SHF: variants seen among roughly 807,000 people sequenced by gnomAD.
The protein encoded by SHF is Src homology 2 domain containing F, also known as SH2 domain-containing adapter protein F.
Under a neutral mutation model 42.4 loss-of-function variants are expected in SHF, and 30 were observed. The ratio of observed to expected loss-of-function variants is 0.71; its 90% CI spans 0.53 to 0.96. The LOEUF (loss-of-function observed/expected upper bound fraction) is 0.96, where lower values mean the gene tolerates loss of function less well. Among genes scored for constraint, SHF ranks in the 40% least tolerant of loss-of-function variants. SHF has a pLI of 0.00. For missense variants in SHF, 598 were observed against 634.0 expected (o/e 0.94, Z 0.61); for synonymous variants, 264 against 269.9 (o/e 0.98, Z 0.21).
In SHF at chr15:45,194,146, G is replaced by C. The variant is rs1466403836; in HGVS notation, c.303+4626C>G. Among the ~76,000 whole-genome samples the C allele has an allele frequency of 6.1e-5, 9 of 148,628 alleles. No individual in the cohort carries two copies. The South Asian group carries it at 1.5e-3, about 25-fold the overall frequency. ...AAGGTAGGCAGCATTGCCTGACATA[G>C]TTCCCAGCTTGACTGTTCCTAGCTG... is the stretch of plus-strand genomic sequence containing the variant. On this transcript the variant is annotated intron_variant, in intron 2 of 7. Transcript: ENST00000290894.
intron 2 of SHF, among the ~76,000 whole-genome samples, chr15:45,194,251 AT>A (rs1377732299): frequency 1.8e-4 from 27 of 152,060 alleles, no homozygotes; most frequent in African/African-American, 6.0e-4. Context: ...ATTCAACATG[AT>A]ATAATCCATT....
intron 2 of SHF, among the ~76,000 whole-genome samples, chr15:45,197,512 A>G (rs773880517): frequency 2.0e-5 from 3 of 152,234 alleles, no homozygotes; most frequent in Non-Finnish European, 4.4e-5. Context: ...AAGTCCTTCT[A>G]TCTGACTCCA....
chr15:45,187,465 T>G lies in SHF; in HGVS notation c.487A>C (p.Ser163Arg). 1 of 1,232,422 alleles carries G rather than the reference T, an allele frequency of 8.1e-7. No individual in the cohort carries two copies. Among genetic ancestry groups the G allele is most frequent in the Non-Finnish European group, 1.0e-6 (1 of 988,052 alleles). 76.3% of individuals were successfully genotyped at this position (1,232,422 alleles called of 1,614,324 possible). The stretch of plus-strand genomic sequence containing the variant: ...GGCGCGGCACTCACCCTATCGCTGC[T>G]GGCGGGGGGTCCGGAGATCCGCTCA... The part of the protein sequence containing the change: ...ADERISGPPA[S>R]SDRLAILEDY... Residue 163 changes from serine to arginine, a missense_variant, in exon 1 of 7, where the codon AGC (serine) becomes CGC (arginine). Ser to Arg is a moderately radical substitution (Grantham distance 110). Transcript: ENST00000690270.
At chr15:45,196,943 G>A (rs1397758380) in intron 2 of SHF, among the ~76,000 whole-genome samples, 1 of 148,538 alleles carries the variant, frequency 6.7e-6, no homozygotes, top group African/African-American at 2.5e-5. Flanking sequence ...TCCAGGTCAT[G>A]TCCCTATTAA....
chr15:45,175,810 TTTTC>T (rs1897770758), intron 2 of SHF, among the ~76,000 whole-genome samples: 1 of 91,798 alleles, frequency 1.1e-5, no homozygotes, highest in East Asian at 3.1e-4. Context: ...CCTTTTTTCT[TTTTC>T]TTTTCTTTTT....
At chr15:45,170,013 G>A (rs1221226573) in intron 6 of SHF, among the ~76,000 whole-genome samples, 5 of 152,256 alleles carry the variant, frequency 3.3e-5, no homozygotes, top group Non-Finnish European at 5.9e-5. Context: ...AGACAGATGC[G>A]GAGCCAGGTC....
In SHF at chr15:45,172,155, T is replaced by C. The variant is rs151056145; in HGVS notation, c.1152A>G (p.Glu384=). The C allele has an allele frequency of 2.9e-4, 468 of 1,613,750 alleles. No homozygotes were observed. Among genetic ancestry groups the C allele is most frequent in the Non-Finnish European group, 3.8e-4 (452 of 1,179,856 alleles). ...TGGACACAGACACTCACACCTGGTT[T>C]TCCAGAGGCAGTGCTGGATCTGTCC... ...GEWTDPALPL[E]NQVWYHGAIS... is the part of the protein sequence containing the mutation. The change falls in exon 5 of 7, where the codon GAA becomes GAG. Residue 384 remains glutamate, a synonymous_variant. Transcript: ENST00000690270.
In SHF at chr15:45,180,048, G is replaced by A. The variant is rs966278506; in HGVS notation, c.499-1742C>T. ...TCAGCTCCCACCTTGTTCTATTCAT[G>A]CCCTCAGCTCCTTTACAACCTCCTT... is the stretch of plus-strand genomic sequence containing the variant. On this transcript the variant is annotated intron_variant, in intron 1 of 6. Coordinates refer to ENST00000690270, the MANE Select transcript of SHF (RefSeq NM_001394037.1). Among the ~76,000 whole-genome samples, 53 of 152,022 alleles carry A rather than the reference G, an allele frequency of 3.5e-4. 1 individual carries two copies.
chr15:45,179,437 G>A (rs937814879), intron 1 of SHF, among the ~76,000 whole-genome samples: 1 of 151,804 alleles, frequency 6.6e-6, no homozygotes. Context: ...GACAGGAAAG[G>A]CTTCACTTTG....
chr15:45,183,117 TTC>T (rs1363961438), intron 1 of SHF, among the ~76,000 whole-genome samples: 1 of 152,176 alleles, frequency 6.6e-6, no homozygotes, highest in Non-Finnish European at 1.5e-5. Context: ...CTTCCTCTTG[TTC>T]ATTAGCAAAT....
intron 1 of SHF, 89 bp downstream of exon 1, chr15:45,187,365 C>T: frequency 8.4e-7 from 1 of 1,193,352 alleles, no homozygotes; most frequent in Non-Finnish European, 1.0e-6. Context: ...CACCGAGGGG[C>T]CCGGGCCAGG....
Position 45,173,698 on chromosome 15 carries a change from T to C in SHF, c.866A>G (p.Lys289Arg), listed in dbSNP as rs1425227130. The C allele has an allele frequency of 2.6e-6, 4 of 1,551,754 alleles. No homozygotes were observed. Among genetic ancestry groups the C allele is most frequent in the Non-Finnish European group, 3.5e-6 (4 of 1,146,992 alleles). Reference protein sequence around the residue: ...KAFAVDIKVIKDLPWPPPVGQ... With the variant: ...KAFAVDIKVIRDLPWPPPVGQ... ...CACAGGTGGAGGCCAAGGTAGGTCT[T>C]TGATGACCTTAATGTCAACTGGAGC... Residue 289 changes from lysine to arginine, a missense_variant, in exon 4 of 7, where the codon AAA becomes AGA. Physicochemically the swap from Lys to Arg is conservative, Grantham distance 26. Coordinates refer to ENST00000690270, the MANE Select transcript of SHF (RefSeq NM_001394037.1).
At chr15:45,193,513 G>C (rs144373387) in intron 2 of SHF, among the ~76,000 whole-genome samples, 19 of 152,276 alleles carry the variant, frequency 1.2e-4, no homozygotes, top group African/African-American at 4.1e-4. Flanking sequence ...GTCTGGTTTA[G>C]TGAAGCAATA....
chr15:45,178,497 C>G (rs1897948811), intron 1 of SHF, among the ~76,000 whole-genome samples, 191 bp from the exon 2 acceptor site: 1 of 151,210 alleles, frequency 6.6e-6, no homozygotes, highest in African/African-American at 2.4e-5. Flanking sequence ...GGCTCCCCTA[C>G]TAGGCTGCCA....
At chr15:45,199,164 TCC>T in intron 1 of SHF, 2 of 1,369,486 alleles carry the variant, frequency 1.5e-6, no homozygotes, top group Non-Finnish European at 1.9e-6. Context: ...CAAACGCATC[TCC>T]CCATGTTCCC....
upstream of SHF, among the ~76,000 whole-genome samples, chr15:45,191,785 A>T (rs1898713682): frequency 6.6e-6 from 1 of 152,030 alleles, no homozygotes. Context: ...CCTACAGAAA[A>T]ATCCAAAGAA....
intron 2 of SHF, among the ~76,000 whole-genome samples, chr15:45,197,376 G>A (rs993797580): frequency 1.3e-5 from 2 of 151,924 alleles, no homozygotes; most frequent in Non-Finnish European, 2.9e-5. Flanking sequence ...TTAAGATCTC[G>A]TCCTGCCTTC....
Position 45,171,798 on chromosome 15 carries a change from C to G in SHF, c.1280+85G>C, listed in dbSNP as rs1897502116. 2.7e-6 allele frequency: 4 copies of G among 1,457,552 alleles called. No individual in the cohort carries two copies. The Admixed American group carries it at 8.2e-5, about 30-fold the overall frequency. 90.3% of individuals were successfully genotyped at this position (1,457,552 alleles called of 1,614,324 possible). On this transcript the variant is annotated intron_variant, in intron 6 of 6. Coordinates refer to ENST00000690270, the MANE Select transcript of SHF (RefSeq NM_001394037.1). ...ATTGTTCATGGGGGATGGGGACCTC[C>G]CCAGCTTGGTTGGGCATAAGGGGAA...
intron 1 of SHF, among the ~76,000 whole-genome samples, chr15:45,183,507 G>A (rs528099788): frequency 3.5e-4 from 54 of 152,344 alleles, no homozygotes; most frequent in Non-Finnish European, 6.8e-4. Flanking sequence ...ACCAGGCTCT[G>A]GGGGCACCCA....
Sources: gnomAD v4.1 joint callset for allele counts (sites outside exome capture counted in the v4.1 genomes callset) on GRCh38, gnomAD v4.1.1 for gene constraint, MANE v1.5 for transcripts, NCBI Gene and HGNC (gene_info 2026-07-23, HGNC 2026-07-21) for gene names.